Variants in NEK5 observed in about 807,000 individuals in gnomAD.
NEK5 encodes NIMA related kinase 5.
NEK5 carries 88 observed loss-of-function variants against 109.2 expected under a neutral mutation model. That is an observed-to-expected ratio of 0.81 (90% CI 0.68 to 0.96). The LOEUF is 0.96. Among genes scored for constraint, NEK5 ranks in the 40% least tolerant of loss-of-function variants. The pLI, the probability that NEK5 is intolerant of heterozygous loss-of-function variation, is 0.00. For missense variants in NEK5, 834 were observed against 920.7 expected (o/e 0.91, Z 1.22); for synonymous variants, 283 against 299.9 (o/e 0.94, Z 0.58).
intron 12 of NEK5, 49 bp from the exon 13 acceptor site, chr13:52,093,284 G>A: frequency 7.1e-7 from 1 of 1,409,578 alleles, no homozygotes; most frequent in Admixed American, 1.7e-5. Flanking sequence ...TACAGGCTGG[G>A]TGCAGTGGCT....
chr13:52,063,032 TCCCTCTCCCCACGGTCC>T (rs1440480103), intron 21 of NEK5, among the ~76,000 whole-genome samples: 28 of 151,094 alleles, frequency 1.9e-4, no homozygotes, highest in Middle Eastern at 3.4e-3. Flanking sequence ...TCTCTCCCTC[TCCCTCTCCCCACGGTCC>T]CCCTCTCCCC....
intron 21 of NEK5, among the ~76,000 whole-genome samples, chr13:52,064,166 G>A (rs977425412): frequency 9.0e-4 from 122 of 134,968 alleles, no homozygotes; most frequent in Non-Finnish European, 1.6e-3. Context: ...CGCCCTGTCC[G>A]GGAGGGAGGT....
At chr13:52,040,742 T>TA (rs1372204381) in intron 23 of NEK5, among the ~76,000 whole-genome samples, 1 of 152,134 alleles carries the variant, frequency 6.6e-6, no homozygotes, top group Admixed American at 6.5e-5. Context: ...AATCCAACAT[T>TA]TATCCCTCCA....
At chr13:52,040,154 G>A (rs552339682) in intron 23 of NEK5, among the ~76,000 whole-genome samples, 18 of 147,800 alleles carry the variant, frequency 1.2e-4, no homozygotes, top group African/African-American at 3.5e-4. Flanking sequence ...GCTCAACCTC[G>A]GCTCACTGCA....
chr13:52,115,354 C>A (rs2138089207), intron 4 of NEK5, among the ~76,000 whole-genome samples: 1 of 151,866 alleles, frequency 6.6e-6, no homozygotes, highest in African/African-American at 2.4e-5. Flanking sequence ...CCTGTAATCC[C>A]AGCACTTTGG....
intron 21 of NEK5, among the ~76,000 whole-genome samples, chr13:52,063,743 G>C (rs1003452919): frequency 6.6e-5 from 10 of 151,792 alleles, no homozygotes; most frequent in African/African-American, 2.4e-4. Context: ...TGGGAGGTGA[G>C]GAGCGTCTCT....
At chr13:52,053,232 T>A (rs1954523536) in intron 22 of NEK5, among the ~76,000 whole-genome samples, 1 of 151,978 alleles carries the variant, frequency 6.6e-6, no homozygotes, top group African/African-American at 2.4e-5. Context: ...ACCTGGGAGG[T>A]AGAGGGTGCA....
rs1954363967 is a variant in NEK5 at position 52,036,683 on chromosome 13, G to A, written c.*265C>T. ...GGGTTTCACCATGTTGGTTGGACTG[G>A]TCTCAAACTCCTGACCTCATGATCT... is the stretch of plus-strand genomic sequence containing the variant. On this transcript the variant is annotated 3_prime_UTR_variant, in exon 24 of 24. Coordinates refer to ENST00000684899, the MANE Select transcript of NEK5 (RefSeq NM_001365552.1). 1 of 152,242 alleles carries A rather than the reference G, an allele frequency of 6.6e-6. No individual in the cohort carries two copies. Among genetic ancestry groups the A allele is most frequent in the Admixed American group, 6.6e-5 (1 of 15,266 alleles). The allele number at this position is 152,242 out of a possible 1,614,324, so 9.4% of individuals were successfully genotyped here.
intron 20 of NEK5, among the ~76,000 whole-genome samples, chr13:52,068,982 A>G (rs1954739400): frequency 6.6e-6 from 1 of 150,562 alleles, no homozygotes; most frequent in Admixed American, 6.6e-5. Flanking sequence ...AAAAAAAAAC[A>G]AAAAAAGAAA....
chr13:52,097,793 G>A (rs886142353), intron 12 of NEK5, among the ~76,000 whole-genome samples: 1 of 152,154 alleles, frequency 6.6e-6, no homozygotes, highest in Non-Finnish European at 1.5e-5. Flanking sequence ...AGAAGGATAT[G>A]GGAATTGGGA....
intron 8 of NEK5, among the ~76,000 whole-genome samples, chr13:52,107,959 G>A (rs1371805465): frequency 6.6e-6 from 1 of 152,168 alleles, no homozygotes; most frequent in Non-Finnish European, 1.5e-5. Context: ...GAGTTAATCA[G>A]TATGTCTTTA....
chr13:52,117,844 G>A (rs922841070), intron 4 of NEK5, among the ~76,000 whole-genome samples: 1 of 152,240 alleles, frequency 6.6e-6, no homozygotes, highest in Non-Finnish European at 1.5e-5. Context: ...GAAAAGGCCT[G>A]AGGATAAGTA....
Position 52,052,567 on chromosome 13 carries a change from T to G in NEK5, c.2111-2346A>C, listed in dbSNP as rs149816700. On this transcript the variant is annotated intron_variant, in intron 22 of 23. Transcript: ENST00000684899. ...TCCCTCTTTGTGGGGGACCCAGGAT[T>G]CAATATAGAAGTGAGATCCTTGATT... 3.2e-3 allele frequency among the ~76,000 whole-genome samples: 491 copies of G among 152,276 alleles called. 3 individuals carry two copies. The highest frequency in any genetic ancestry group is 0.011 in the African/African-American group (442 of 41,560).
chr13:52,128,795 G>C (rs1387308028), intron 1 of NEK5: 1 of 152,268 alleles, frequency 6.6e-6, no homozygotes, highest in East Asian at 1.9e-4. Flanking sequence ...CCCTGGAAGC[G>C]GCCGCGGGTG....
chr13:52,061,877 C>T lies in NEK5; in HGVS notation c.2052G>A (p.Met684Ile). 2.0e-6 allele frequency: 2 copies of T among 985,710 alleles called. No homozygotes were observed. Among genetic ancestry groups the T allele is most frequent in the Middle Eastern group, 5.2e-4 (1 of 1,914 alleles). The allele number at this position is 985,710 out of a possible 1,614,324, so 61.1% of individuals were successfully genotyped here. ...TTAGATGTGCTGCTGCCAAAACACT[C>T]ATTAAAGTTCCTGGAGCTTCATGCC... is the stretch of plus-strand genomic sequence containing the variant. ...QWRHEAPGTL[M>I]SVLAAAHLTS... The change falls in exon 22 of 24, where the codon ATG becomes ATA. Residue 684 changes from methionine (M) to isoleucine (I), a missense_variant. Met to Ile is a conservative substitution (Grantham distance 10). Coordinates refer to ENST00000684899, the MANE Select transcript of NEK5 (RefSeq NM_001365552.1).
chr13:52,089,224 C>G (rs1233730110), intron 14 of NEK5, 23 bp downstream of exon 14: 1 of 1,410,586 alleles, frequency 7.1e-7, no homozygotes, highest in African/African-American at 1.4e-5. Flanking sequence ...CTAATTGCTT[C>G]CCATATTTGG....
chr13:52,035,240 A>C lies in NEK5; in HGVS notation c.*1708T>G, dbSNP rs189264146. ...AAGTTGAAAGAACAGTCTGTCAAAC[A>C]TCAGGAAATAGTCACAAAAAACTGG... On this transcript the variant is annotated 3_prime_UTR_variant, in exon 24 of 24. Coordinates refer to ENST00000684899, the MANE Select transcript of NEK5 (RefSeq NM_001365552.1). 1.8e-3 allele frequency: 278 copies of C among 152,110 alleles called. No individual in the cohort carries two copies. The highest frequency in any genetic ancestry group is 6.3e-3 in the African/African-American group (264 of 41,584). 9.4% of individuals were successfully genotyped at this position (152,110 alleles called of 1,614,324 possible).
At chr13:52,037,921 T>C (rs1254664629) in intron 23 of NEK5, among the ~76,000 whole-genome samples, 3 of 94,072 alleles carry the variant, frequency 3.2e-5, no homozygotes, top group Non-Finnish European at 5.5e-5. Flanking sequence ...AGACTCCGTC[T>C]CAAAAAAAAA....
chr13:52,081,681 T>C (rs909712664), intron 17 of NEK5, among the ~76,000 whole-genome samples: 1 of 152,240 alleles, frequency 6.6e-6, no homozygotes, highest in Admixed American at 6.5e-5. Context: ...TTTTGGTGTG[T>C]TTTCTTTCAA....
Sources: allele counts gnomAD v4.1 joint callset (sites outside exome capture counted in the v4.1 genomes callset), GRCh38; gene constraint gnomAD v4.1.1; transcripts MANE v1.5; gene names NCBI Gene and HGNC (gene_info 2026-07-23, HGNC 2026-07-21).